The following GRM7 variants were observed in gnomAD, a reference collection of about 807,000 sequenced individuals.
The protein encoded by GRM7 is glutamate metabotropic receptor 7, also known as metabotropic glutamate receptor 7.
A neutral mutation model predicts 84.5 loss-of-function variants in GRM7; 35 were observed. The ratio of observed to expected loss-of-function variants is 0.41; its 90% CI spans 0.32 to 0.55. The LOEUF is 0.55. Among genes scored for constraint, GRM7 ranks in the 20% least tolerant of loss-of-function variants. GRM7 has a pLI of 0.19. For missense variants in GRM7, 1,003 were observed against 1,194.6 expected (o/e 0.84, Z 2.36); for synonymous variants, 487 against 455.1 (o/e 1.07, Z -0.89).
At chr3:7,127,232 A>C (rs1559457796) in intron 1 of GRM7, among the ~76,000 whole-genome samples, 2 of 152,192 alleles carry the variant, frequency 1.3e-5, no homozygotes, top group African/African-American at 4.8e-5. Context: ...ACAGCGTCAC[A>C]CCTTTCTCTC....
At chr3:7,053,404 C>T (rs76876040) in intron 1 of GRM7, among the ~76,000 whole-genome samples, 3,678 of 151,488 alleles carry the variant, frequency 0.024, 161 homozygotes, top group African/African-American at 0.085. Context: ...TTGAAGAAGT[C>T]CAATTTATCC....
intron 4 of GRM7, among the ~76,000 whole-genome samples, chr3:7,365,645 G>GTATATATATATATATATATATA (rs201115893): frequency 1.6e-4 from 20 of 123,836 alleles, no homozygotes; most frequent in African/African-American, 5.7e-4. Flanking sequence ...GTGTGCGTGT[G>GTATATATATATATATATATATA]TGTATATATA....
At chr3:7,427,742 T>C (rs1696669601) in intron 5 of GRM7, among the ~76,000 whole-genome samples, 1 of 152,120 alleles carries the variant, frequency 6.6e-6, no homozygotes, top group Non-Finnish European at 1.5e-5. Flanking sequence ...TCTTTTTTAC[T>C]CCCCTCTGAG....
chr3:7,277,493 C>T (rs557810370), intron 2 of GRM7, among the ~76,000 whole-genome samples: 47 of 152,054 alleles, frequency 3.1e-4, no homozygotes, highest in African/African-American at 1.0e-3. Flanking sequence ...TTTATCACTG[C>T]TCAGATAAAT....
At chr3:7,414,160 G>A (rs1437068042) in intron 4 of GRM7, among the ~76,000 whole-genome samples, 1 of 152,064 alleles carries the variant, frequency 6.6e-6, no homozygotes, top group East Asian at 1.9e-4. Context: ...TACAGGTAAG[G>A]GAAAACTTTG....
At chr3:7,691,132 T>C (rs1427251417) in intron 9 of GRM7, 4 of 469,608 alleles carry the variant, frequency 8.5e-6, no homozygotes, top group Non-Finnish European at 1.6e-5. Flanking sequence ...CTCTATGATC[T>C]AAATGACTAT....
chr3:7,245,735 G>T (rs1374174818), intron 2 of GRM7, among the ~76,000 whole-genome samples: 1 of 151,986 alleles, frequency 6.6e-6, no homozygotes, highest in Non-Finnish European at 1.5e-5. Flanking sequence ...CCATGAAAAG[G>T]AATGGAGTTT....
intron 1 of GRM7, among the ~76,000 whole-genome samples, chr3:6,962,719 C>T (rs1320103637): frequency 6.6e-6 from 1 of 152,166 alleles, no homozygotes; most frequent in African/African-American, 2.4e-5. Context: ...CCAGAACTGA[C>T]TAAAAGTCTT....
At chr3:7,226,182 C>T (rs931288144) in intron 2 of GRM7, among the ~76,000 whole-genome samples, 2 of 152,144 alleles carry the variant, frequency 1.3e-5, no homozygotes, top group Non-Finnish European at 2.9e-5. Flanking sequence ...AATCACTGCA[C>T]ATTTAGCAAC....
At chr3:7,303,086 G>A (rs570043681) in intron 3 of GRM7, among the ~76,000 whole-genome samples, 28 of 151,924 alleles carry the variant, frequency 1.8e-4, no homozygotes, top group Non-Finnish European at 3.8e-4. Context: ...GACTACAGGT[G>A]CCCGCCACCA....
rs561659825 is a variant in GRM7 at position 6,985,318 on chromosome 3, AT to A, written c.519+123421del. ...GTAGTAGGTCTTATTCATTCTTTCT[AT>A]TTTTTTTTTGTACCCATTAACCATC... On this transcript the variant is annotated intron_variant, in intron 1 of 9. Transcript: ENST00000357716. Among the ~76,000 whole-genome samples, 50 of 147,696 alleles carry A rather than the reference AT, an allele frequency of 3.4e-4. 1 individual carries two copies. The highest frequency in any genetic ancestry group is 3.5e-3 in the Middle Eastern group (1 of 286).
At chr3:6,867,437 G>A (rs1053625667) in intron 1 of GRM7, among the ~76,000 whole-genome samples, 2 of 152,188 alleles carry the variant, frequency 1.3e-5, no homozygotes, top group Admixed American at 6.5e-5. Flanking sequence ...CACTTCTGAT[G>A]TAAACTGCAG....
chr3:7,208,935 TG>T (rs1696330595), intron 2 of GRM7, among the ~76,000 whole-genome samples: 1 of 152,218 alleles, frequency 6.6e-6, no homozygotes, highest in African/African-American at 2.4e-5. Flanking sequence ...TAATACTGTC[TG>T]TGCAGATGCT....
intron 7 of GRM7, among the ~76,000 whole-genome samples, chr3:7,516,152 G>T (rs1700369164): frequency 1.0e-5 from 1 of 96,498 alleles, no homozygotes; most frequent in African/African-American, 4.3e-5. Context: ...CAACAGAGTT[G>T]ACACCATATC....
chr3:7,117,455 C>T (rs1159039814), intron 1 of GRM7, among the ~76,000 whole-genome samples: 2 of 152,172 alleles, frequency 1.3e-5, no homozygotes, highest in Non-Finnish European at 2.9e-5. Flanking sequence ...AACTGTGGAT[C>T]ACTTAAGCGA....
intron 1 of GRM7, among the ~76,000 whole-genome samples, chr3:7,133,934 A>G (rs909622434): frequency 6.6e-5 from 10 of 152,162 alleles, no homozygotes; most frequent in African/African-American, 1.7e-4. Flanking sequence ...TATGTCATTG[A>G]ATGCTGTGGG....
intron 7 of GRM7, among the ~76,000 whole-genome samples, chr3:7,480,925 A>G: frequency 6.6e-6 from 1 of 152,210 alleles, no homozygotes; most frequent in East Asian, 1.9e-4. Flanking sequence ...AAAACAAAAT[A>G]TATTTAAAAG....
chr3:7,033,056 G>A (rs1454522208), intron 1 of GRM7, among the ~76,000 whole-genome samples: 1 of 152,160 alleles, frequency 6.6e-6, no homozygotes, highest in Non-Finnish European at 1.5e-5. Context: ...GGCTCTCAGG[G>A]AGAATCTGTT....
chr3:7,414,676 T>A (rs1696085544), intron 4 of GRM7, among the ~76,000 whole-genome samples: 2 of 151,922 alleles, frequency 1.3e-5, no homozygotes, highest in African/African-American at 2.4e-5. Flanking sequence ...TGAAAGGAGG[T>A]TCTTAAAATA....
Sources: gnomAD v4.1 joint callset for allele counts (sites outside exome capture counted in the v4.1 genomes callset) on GRCh38, gnomAD v4.1.1 for gene constraint, MANE v1.5 for transcripts, NCBI Gene and HGNC (gene_info 2026-07-23, HGNC 2026-07-21) for gene names.